TUSC3: variants seen among roughly 807,000 people sequenced by gnomAD.
The protein encoded by TUSC3 is dolichyl-diphosphooligosaccharide--protein glycosyltransferase subunit TUSC3.
A neutral mutation model predicts 44.8 loss-of-function variants in TUSC3; 45 were observed. That is an observed-to-expected ratio of 1.00 (90% CI 0.79 to 1.29). The LOEUF (loss-of-function observed/expected upper bound fraction) is 1.29, where lower values mean the gene tolerates loss of function less well. TUSC3 is among the 50% of genes most tolerant of loss of function. The pLI is 0.00. For synonymous variants in TUSC3, 212 were observed against 152.9 expected (o/e 1.39, Z -2.85); for missense variants, 519 against 437.9 (o/e 1.19, Z -1.65).
chr8:15,713,515 A>G (rs1254555363), intron 6 of TUSC3, among the ~76,000 whole-genome samples: 1 of 152,140 alleles, frequency 6.6e-6, no homozygotes, highest in Non-Finnish European at 1.5e-5. Context: ...CTGCCATAAC[A>G]AAGTACCACT....
At chr8:15,586,409 C>G (rs1308707737) in intron 1 of TUSC3, among the ~76,000 whole-genome samples, 1 of 151,980 alleles carries the variant, frequency 6.6e-6, no homozygotes, top group Admixed American at 6.6e-5. Context: ...GGAGAGACCA[C>G]TTTGCTTTTA....
chr8:15,501,057 C>G (rs1380535600), intron 2 of TUSC3, among the ~76,000 whole-genome samples: 1 of 151,362 alleles, frequency 6.6e-6, no homozygotes, highest in Non-Finnish European at 1.5e-5. Context: ...CCACCCAAGT[C>G]TAAGACAGAC....
intron 1 of TUSC3, among the ~76,000 whole-genome samples, chr8:15,556,940 C>T (rs979810853): frequency 6.7e-6 from 1 of 149,524 alleles, no homozygotes; most frequent in African/African-American, 2.4e-5. Flanking sequence ...AAAATTTTCT[C>T]CCATTTTGTA....
At chr8:15,794,842 G>A in the TUSC3 span, among the ~76,000 whole-genome samples, 3 of 152,024 alleles carry the variant, frequency 2.0e-5, no homozygotes, top group South Asian at 2.1e-4. Flanking sequence ...CTAGAGAGAC[G>A]AACTATCTTC....
chr8:15,494,309 T>A (rs892829292), intron 2 of TUSC3, among the ~76,000 whole-genome samples: 3 of 137,016 alleles, frequency 2.2e-5, no homozygotes, highest in African/African-American at 7.6e-5. Flanking sequence ...ATAGGGCTTA[T>A]CTCTCATCTT....
chr8:15,430,775 G>A (rs1163252610), intron 1 of TUSC3, among the ~76,000 whole-genome samples: 1 of 151,646 alleles, frequency 6.6e-6, no homozygotes, highest in African/African-American at 2.4e-5. Context: ...AGCAACTTCA[G>A]CAAAATCTCA....
intron 1 of TUSC3, among the ~76,000 whole-genome samples, chr8:15,608,930 A>G (rs1013072040): frequency 6.6e-6 from 1 of 152,172 alleles, no homozygotes; most frequent in African/African-American, 2.4e-5. Flanking sequence ...ACTCCCAAAA[A>G]ACTTGACTTG....
chr8:15,651,881 G>A (rs1035535167), intron 3 of TUSC3, among the ~76,000 whole-genome samples: 8 of 152,276 alleles, frequency 5.3e-5, no homozygotes, highest in Middle Eastern at 3.4e-3. Flanking sequence ...TTGACATCGA[G>A]AGCTTATGTC....
chr8:15,771,370 A>G (rs1369565850), downstream of TUSC3, among the ~76,000 whole-genome samples: 1 of 152,214 alleles, frequency 6.6e-6, no homozygotes, highest in Non-Finnish European at 1.5e-5. Context: ...TGGGATCCTG[A>G]ATAGCCAAAG....
chr8:15,703,359 G>A (rs2129196275), intron 6 of TUSC3, among the ~76,000 whole-genome samples: 1 of 152,076 alleles, frequency 6.6e-6, no homozygotes, highest in African/African-American at 2.4e-5. Context: ...CTTCTAAGTG[G>A]GAATTTTTTC....
At chr8:15,825,830 T>TAATTTACCTTAAGTTAATTAACCTTAA in the TUSC3 span, among the ~76,000 whole-genome samples, 1 of 152,054 alleles carries the variant, frequency 6.6e-6, no homozygotes, top group South Asian at 2.1e-4. Flanking sequence ...CTTAACTGTA[T>TAATTTACCTTAAGTTAATTAACCTTAA]GGTAATTCTG....
At chr8:15,733,351 G>GT (rs35411856) in intron 7 of TUSC3, 47,564 of 343,418 alleles carry the variant, frequency 0.14, 1,075 homozygotes, top group East Asian at 0.27. Flanking sequence ...GCTTCTTTTT[G>GT]TTTTTTTTTT....
At chr8:15,688,961 AG>A (rs1315088180) in intron 6 of TUSC3, 2 of 229,836 alleles carry the variant, frequency 8.7e-6, no homozygotes, top group Non-Finnish European at 1.8e-5. Context: ...GAGTGCATAC[AG>A]GAGACCTCTT....
At chr8:15,673,932 G>C (rs548624327) in intron 6 of TUSC3, 96 bp downstream of exon 6, 3 of 1,062,366 alleles carry the variant, frequency 2.8e-6, no homozygotes, top group African/African-American at 1.6e-5. Context: ...AAAAGATTCT[G>C]TTTGTCAGTC....
At chr8:15,643,412 T>TG (rs1023551221) in intron 2 of TUSC3, among the ~76,000 whole-genome samples, 1 of 147,428 alleles carries the variant, frequency 6.8e-6, no homozygotes, top group African/African-American at 2.6e-5. Context: ...TGTTAGTTGT[T>TG]TTTTTTTTTT....
intron 1 of TUSC3, among the ~76,000 whole-genome samples, chr8:15,454,941 C>T (rs1409809901): frequency 6.6e-6 from 1 of 152,004 alleles, no homozygotes; most frequent in Non-Finnish European, 1.5e-5. Context: ...GCAGATGTAA[C>T]AGGCTCTCCC....
At chr8:15,641,977 A>T (rs577838575) in intron 2 of TUSC3, among the ~76,000 whole-genome samples, 1 of 152,330 alleles carries the variant, frequency 6.6e-6, no homozygotes, top group Admixed American at 6.5e-5. Flanking sequence ...ACATATGTCT[A>T]CACTCACCAA....
chr8:15,777,482 T>A, the TUSC3 span, among the ~76,000 whole-genome samples: 2 of 152,186 alleles, frequency 1.3e-5, no homozygotes, highest in African/African-American at 4.8e-5. Context: ...AATACACACA[T>A]GAACATATAA....
intron 6 of TUSC3, among the ~76,000 whole-genome samples, chr8:15,710,276 C>A (rs752375314): frequency 1.3e-5 from 2 of 151,672 alleles, no homozygotes; most frequent in Non-Finnish European, 2.9e-5. Context: ...TAATTTTTTG[C>A]TTGGTTTGTA....
Sources: allele counts gnomAD v4.1 joint callset (sites outside exome capture counted in the v4.1 genomes callset), GRCh38; gene constraint gnomAD v4.1.1; transcripts MANE v1.5; gene names NCBI Gene and HGNC (gene_info 2026-07-23, HGNC 2026-07-21).